ADGRV1: variants seen among roughly 807,000 people sequenced by gnomAD.
ADGRV1 encodes G-protein coupled receptor 98.
Under a neutral mutation model 596.2 loss-of-function variants are expected in ADGRV1, and 359 were observed. That is an observed-to-expected ratio of 0.60 (90% confidence interval 0.55 to 0.66). The LOEUF is 0.66. Ranked by LOEUF, ADGRV1 falls within the 30% of genes least tolerant of loss-of-function variation. The pLI is 0.00. For missense variants in ADGRV1, 7,274 were observed against 7,575.6 expected (o/e 0.96, Z 1.48); for synonymous variants, 2,681 against 2,679.2 (o/e 1.00, Z -0.02).
At position 90,855,813 on chromosome 5, in the gene ADGRV1, C is replaced by G. The variant is rs56382582; in HGVS notation, c.17667C>G (p.His5889Gln). The change falls in exon 82 of 90, where the codon CAC becomes CAG. Residue 5889 changes from histidine (H) to glutamine (Q), a missense_variant. Coordinates refer to ENST00000405460, the MANE Select transcript of ADGRV1 (RefSeq NM_032119.4). ...TADYVECACS[H>Q]MSVYAVYART... Reference sequence around the variant, plus strand: ...ACTATGTGGAATGTGCCTGTTCACACATGTCTGTGTATGCTGTCTATGCTC... The same window carrying G: ...ACTATGTGGAATGTGCCTGTTCACAGATGTCTGTGTATGCTGTCTATGCTC... 33 of 1,610,044 alleles carry G rather than the reference C, an allele frequency of 2.0e-5. No individual in the cohort carries two copies. The highest frequency in any genetic ancestry group is 2.7e-5 in the Non-Finnish European group (32 of 1,176,840).
At chr5:90,725,973 G>A (rs1274499075) in intron 48 of ADGRV1, among the ~76,000 whole-genome samples, 1 of 152,142 alleles carries the variant, frequency 6.6e-6, no homozygotes, top group Non-Finnish European at 1.5e-5. Flanking sequence ...TTCATGATTA[G>A]CATTGCCACA....
chr5:91,153,439 T>G, intron 89 of ADGRV1, 41 bp downstream of exon 89: 1 of 1,390,692 alleles, frequency 7.2e-7, no homozygotes, highest in Non-Finnish European at 9.8e-7. Flanking sequence ...GTAGGCACTC[T>G]TGCTATGTTA....
rs768786802 is a variant in ADGRV1, at chr5:90,750,544, T to C, written c.10975-7T>C. On this transcript the variant is annotated splice_polypyrimidine_tract_variant and splice_region_variant and intron_variant, in intron 52 of 89. Coordinates refer to ENST00000405460, the MANE Select transcript of ADGRV1 (RefSeq NM_032119.4). ...AACCCCTTGTGACTTTCTGTGTATTTTTTCAGAATTCATTATATAAGCAAG... is the reference window on the plus strand; with the variant it reads ...AACCCCTTGTGACTTTCTGTGTATTCTTTCAGAATTCATTATATAAGCAAG... 2.5e-5 allele frequency: 39 copies of C among 1,591,244 alleles called. No individual in the cohort carries two copies. The highest frequency in any genetic ancestry group is 3.3e-5 in the Non-Finnish European group (39 of 1,167,062).
rs764888746 is a variant in ADGRV1, at chr5:90,863,739, AC to A, written c.17756-17del. On this transcript the variant is annotated splice_polypyrimidine_tract_variant and intron_variant, in intron 82 of 89. Transcript: ENST00000405460. ...TCATGGATTATTAAACCATATGTGG[AC>A]TTTTTTGTTCCTACAGGTCTTTGCT... 7.7e-6 allele frequency: 12 copies of A among 1,555,800 alleles called. No individual in the cohort carries two copies. Among genetic ancestry groups the A allele is most frequent in the Non-Finnish European group, 1.1e-5 (12 of 1,127,308 alleles).
rs112389364 is a variant in ADGRV1, at chr5:90,843,406, A to G, written c.17019+2421A>G. 5.4e-3 allele frequency among the ~76,000 whole-genome samples: 775 copies of G among 143,412 alleles called. 10 individuals carry two copies. The highest frequency in any genetic ancestry group is 0.019 in the African/African-American group (737 of 38,674). The allele number at this position is 143,412 out of a possible 152,430, so 94.1% of individuals were successfully genotyped here. On this transcript the variant is annotated intron_variant, in intron 78 of 89. Transcript: ENST00000405460. The stretch of plus-strand genomic sequence containing the variant: ...GTGATAAAGTGCTATTTAAAAATCA[A>G]TGGGTCGAAAATATTATTCAGCAAA...
At chr5:91,021,609 T>C (rs1783637955) in intron 85 of ADGRV1, among the ~76,000 whole-genome samples, 1 of 152,086 alleles carries the variant, frequency 6.6e-6, no homozygotes, top group African/African-American at 2.4e-5. Context: ...TCCTGTCCCA[T>C]CTCATCAGCT....
intron 25 of ADGRV1, among the ~76,000 whole-genome samples, chr5:90,679,124 G>A (rs1744613483): frequency 6.6e-6 from 1 of 152,128 alleles, no homozygotes; most frequent in African/African-American, 2.4e-5. Flanking sequence ...AAGGTTAGAT[G>A]CATTTCTCAA....
At chr5:90,934,916 C>T (rs988728147) in intron 83 of ADGRV1, among the ~76,000 whole-genome samples, 1 of 152,126 alleles carries the variant, frequency 6.6e-6, no homozygotes, top group African/African-American at 2.4e-5. Flanking sequence ...GTGTGTCTTA[C>T]AAGGGCACTA....
intron 85 of ADGRV1, among the ~76,000 whole-genome samples, chr5:91,010,237 C>T (rs1782613912): frequency 6.6e-6 from 1 of 152,072 alleles, no homozygotes; most frequent in Non-Finnish European, 1.5e-5. Flanking sequence ...TGAGCTAATT[C>T]ACCATTTCTG....
rs532839486 is a variant in ADGRV1, at chr5:90,783,232, G to T, written c.13340G>T (p.Gly4447Val). Residue 4447 changes from glycine (G) to valine (V), a missense_variant, in exon 66 of 90, where the codon GGT becomes GTT. Gly to Val is a moderately radical substitution (Grantham distance 109). This residue lies in a region of ADGRV1 where 3,643 missense variants were observed against 3,809.2 expected (regional missense o/e 0.96). Coordinates refer to ENST00000405460, the MANE Select transcript of ADGRV1 (RefSeq NM_032119.4). ...CAGAGCTCCTCTGCCAGTCCCGGAG[G>T]TGTTGATTACATTTTGCATGGCAGT... ...ISQSSSASPG[G>V]VDYILHGSTV... 2 of 1,613,486 alleles carry T rather than the reference G, an allele frequency of 1.2e-6. No homozygotes were observed. The highest frequency in any genetic ancestry group is 1.7e-6 in the Non-Finnish European group (2 of 1,179,622).
At chr5:90,775,531 C>T (rs929597997) in intron 60 of ADGRV1, among the ~76,000 whole-genome samples, 8 of 152,164 alleles carry the variant, frequency 5.3e-5, no homozygotes, top group Non-Finnish European at 1.0e-4. Context: ...GGCTGCAGTG[C>T]AGTGGTGTGA....
chr5:90,643,150 C>A, intron 13 of ADGRV1, 109 bp downstream of exon 13: 2 of 969,196 alleles, frequency 2.1e-6, no homozygotes, highest in South Asian at 2.1e-5. Context: ...AAGAGGTGGG[C>A]AAGAAAAGAC....
intron 82 of ADGRV1, among the ~76,000 whole-genome samples, chr5:90,863,216 T>C (rs575197087): frequency 6.6e-6 from 1 of 152,226 alleles, no homozygotes. Context: ...AATTGCAAGA[T>C]AAAAGATTTG....
chr5:90,942,712 C>T (rs1776259980), intron 83 of ADGRV1, among the ~76,000 whole-genome samples: 1 of 152,096 alleles, frequency 6.6e-6, no homozygotes, highest in Admixed American at 6.6e-5. Flanking sequence ...GCAAGGACTT[C>T]TTATTTTTCA....
rs1766956454 is a variant in ADGRV1 at position 90,855,690 on chromosome 5, A to G, written c.17595-51A>G. 12 of 1,311,498 alleles carry G rather than the reference A, an allele frequency of 9.1e-6. No homozygotes were observed. In the South Asian group the frequency reaches 1.9e-4, roughly 20 times the overall value. The allele number at this position is 1,311,498 out of a possible 1,614,324, so 81.2% of individuals were successfully genotyped here. On this transcript the variant is annotated intron_variant, in intron 81 of 89. Transcript: ENST00000405460. ...ATTTTTCTTTAAAAGCCATCTCAACACCTTCAGTATTGATGAAAGAGGAAA... is the reference window on the plus strand; with the variant it reads ...ATTTTTCTTTAAAAGCCATCTCAACGCCTTCAGTATTGATGAAAGAGGAAA...
intron 10 of ADGRV1, among the ~76,000 whole-genome samples, chr5:90,636,502 T>G (rs16868892): frequency 0.18 from 27,554 of 152,218 alleles, 2,688 homozygotes; most frequent in East Asian, 0.4. Flanking sequence ...CTTAAAGAGT[T>G]GATTGCTTTT....
chr5:90,851,148 A>C (rs1168575592), intron 79 of ADGRV1, among the ~76,000 whole-genome samples: 1 of 108,652 alleles, frequency 9.2e-6, no homozygotes, highest in African/African-American at 3.1e-5. Flanking sequence ...AGAGAGAGAG[A>C]GAGAGAGAGA....
Position 90,663,060 on chromosome 5 carries a change from C to T in ADGRV1, c.4752+4782C>T, listed in dbSNP as rs1211608556. Among the ~76,000 whole-genome samples the T allele has an allele frequency of 3.4e-4, 51 of 149,128 alleles. No homozygotes were observed. The East Asian group carries it at 7.9e-3, about 23-fold the overall frequency. ...AAGTCTTTGCTATTGTGAATAATGC[C>T]GCAATAAACATACGTGTGCATGTGT... is the stretch of plus-strand genomic sequence containing the variant. On this transcript the variant is annotated intron_variant, in intron 21 of 89. Coordinates refer to ENST00000405460, the MANE Select transcript of ADGRV1 (RefSeq NM_032119.4).
intron 85 of ADGRV1, among the ~76,000 whole-genome samples, chr5:91,052,194 G>A (rs1290173420): frequency 6.6e-6 from 1 of 151,574 alleles, no homozygotes; most frequent in Non-Finnish European, 1.5e-5. Context: ...TCTGCAGTGA[G>A]TTTTTATAAG....
Sources: allele counts gnomAD v4.1 joint callset (sites outside exome capture counted in the v4.1 genomes callset), GRCh38; gene constraint gnomAD v4.1.1; regional missense constraint gnomAD v4.1.1; transcripts MANE v1.5; gene names NCBI Gene and HGNC (gene_info 2026-07-23, HGNC 2026-07-21).